The following CYP2F1 variants were observed in gnomAD, a reference collection of about 807,000 sequenced individuals.
CYP2F1 encodes the protein cytochrome P450 family 2 subfamily F member 1, also known as cytochrome P450 2F1.
CYP2F1 carries 33 observed loss-of-function variants against 40.4 expected under a neutral mutation model. The observed-to-expected ratio is 0.82, with a 90% confidence interval of 0.62 to 1.09. The LOEUF (loss-of-function observed/expected upper bound fraction) is 1.09, where lower values mean the gene tolerates loss of function less well. Among genes scored for constraint, CYP2F1 ranks in the 50% least tolerant of loss-of-function variants. The pLI is 0.00. For missense variants in CYP2F1, 566 were observed against 655.7 expected (o/e 0.86, Z 1.49); for synonymous variants, 235 against 277.2 (o/e 0.85, Z 1.51).
At chr19:41,127,159 C>T (rs2032576684) in intron 9 of CYP2F1, among the ~76,000 whole-genome samples, 1 of 152,090 alleles carries the variant, frequency 6.6e-6, no homozygotes, top group Non-Finnish European at 1.5e-5. Flanking sequence ...TTCTCTGTGC[C>T]TCAATGTCCA....
At chr19:41,119,748 T>TATATATATATATATATATATATAC (rs1337166345) in intron 3 of CYP2F1, among the ~76,000 whole-genome samples, 1 of 36,104 alleles carries the variant, frequency 2.8e-5, no homozygotes, top group Non-Finnish European at 4.9e-5. Context: ...TATATATATA[T>TATATATATATATATATATATATAC]ACACACACAC....
intron 1 of CYP2F1, among the ~76,000 whole-genome samples, chr19:41,115,588 G>A (rs1336304672): frequency 1.3e-5 from 2 of 152,094 alleles, no homozygotes; most frequent in Non-Finnish European, 2.9e-5. Flanking sequence ...TATGAAGATA[G>A]TAGATAGATG....
intron 8 of CYP2F1, chr19:41,125,254 C>T (rs1432360451): frequency 2.1e-5 from 13 of 629,632 alleles, no homozygotes; most frequent in South Asian, 4.7e-5. Flanking sequence ...ACATCTGTTC[C>T]CACAAAGGTT....
rs2031797626 is a variant in CYP2F1, at chr19:41,116,286, G to T, written c.98G>T (p.Gly33Val). Residue 33 changes from glycine (G) to valine (V), a missense_variant, in exon 2 of 10, where the codon GGA becomes GTA. Transcript: ENST00000331105. ...SSRDKGKLPPGPRPLSILGNL... is the reference protein window; with the variant it reads ...SSRDKGKLPPVPRPLSILGNL... Reference sequence around the variant, plus strand: ...AGAGATAAGGGAAAGCTGCCTCCGGGACCCAGACCCCTCTCAATCCTGGGA... The same window carrying T: ...AGAGATAAGGGAAAGCTGCCTCCGGTACCCAGACCCCTCTCAATCCTGGGA... 6.2e-7 allele frequency: 1 copy of T among 1,613,924 alleles called. No homozygotes were observed. Among genetic ancestry groups the T allele is most frequent in the South Asian group, 1.1e-5 (1 of 91,080 alleles).
intron 9 of CYP2F1, among the ~76,000 whole-genome samples, chr19:41,126,201 A>G (rs2032539952): frequency 6.6e-6 from 1 of 151,452 alleles, no homozygotes; most frequent in Admixed American, 6.6e-5. Flanking sequence ...CTAGGCGGGC[A>G]GATTACCTGA....
At position 41,124,950 on chromosome 19, in the gene CYP2F1, G is replaced by T. The variant is rs761659772; in HGVS notation, c.1152+44G>T. 168 of 1,529,490 alleles carry T rather than the reference G, an allele frequency of 1.1e-4. 2 individuals carry two copies. In the Admixed American group the frequency reaches 1.3e-3, roughly 12 times the overall value. The allele number at this position is 1,529,490 out of a possible 1,614,324, so 94.7% of individuals were successfully genotyped here. A position where few individuals can be genotyped will look rare whatever the true frequency, so the allele number is the denominator to read the frequency against. On this transcript the variant is annotated intron_variant, in intron 8 of 9. Coordinates refer to ENST00000331105, the MANE Select transcript of CYP2F1 (RefSeq NM_000774.5). ...ACGACATCAGGCAACCTAAGAGGAG[G>T]CATCGCAGGCTCTTGCACTGGCAAG...
chr19:41,124,708 T>C lies in CYP2F1; in HGVS notation c.965-11T>C. 1 of 1,598,000 alleles carries C rather than the reference T, an allele frequency of 6.3e-7. No homozygotes were observed. ...TGATACCCTCGACCCCGCTTCCCGCTTCCTCTCCAGCCCGCGTGCAGGAGG... is the reference window on the plus strand; with the variant it reads ...TGATACCCTCGACCCCGCTTCCCGCCTCCTCTCCAGCCCGCGTGCAGGAGG... On this transcript the variant is annotated splice_polypyrimidine_tract_variant and intron_variant, in intron 7 of 9. Transcript: ENST00000331105.
intron 1 of CYP2F1, among the ~76,000 whole-genome samples, chr19:41,115,271 C>A (rs781054754): frequency 6.6e-6 from 1 of 152,050 alleles, no homozygotes; most frequent in African/African-American, 2.4e-5. Flanking sequence ...TCCCTCTTAC[C>A]CTTTTTCTCT....
At chr19:41,127,198 C>A (rs1280948463) in intron 9 of CYP2F1, among the ~76,000 whole-genome samples, 1 of 152,136 alleles carries the variant, frequency 6.6e-6, no homozygotes, top group Non-Finnish European at 1.5e-5. Flanking sequence ...AATACTAAGG[C>A]CTGCCTCTTG....
At chr19:41,114,913 G>A (rs2031702443) in intron 1 of CYP2F1, among the ~76,000 whole-genome samples, 1 of 151,138 alleles carries the variant, frequency 6.6e-6, no homozygotes, top group African/African-American at 2.4e-5. Context: ...GGGATTACAG[G>A]TGCCTAACAC....
Position 41,123,409 on chromosome 19 carries a change from G to C in CYP2F1, c.964+446G>C, listed in dbSNP as rs575674919. The stretch of plus-strand genomic sequence containing the variant: ...ATTTTTCTATTTTTAGTAGAGACAG[G>C]GTTTCACCAAGTTGGCCAGGCTGGT... On this transcript the variant is annotated intron_variant, in intron 7 of 9. Coordinates refer to ENST00000331105, the MANE Select transcript of CYP2F1 (RefSeq NM_000774.5). 3.6e-4 allele frequency: 125 copies of C among 346,006 alleles called. 3 individuals carry two copies. Among genetic ancestry groups the C allele is most frequent in the South Asian group, 2.7e-3 (124 of 45,140 alleles). 21.4% of individuals were successfully genotyped at this position (346,006 alleles called of 1,614,324 possible). A position where few individuals can be genotyped will look rare whatever the true frequency, so the allele number is the denominator to read the frequency against.
chr19:41,115,661 T>C (rs1235440274), intron 1 of CYP2F1, among the ~76,000 whole-genome samples: 3 of 151,778 alleles, frequency 2.0e-5, no homozygotes, highest in East Asian at 3.9e-4. Context: ...GATAGAAGAA[T>C]AGATAGATGA....
chr19:41,125,413 C>T lies in CYP2F1; in HGVS notation c.1153-80C>T, dbSNP rs2032493564. The T allele has an allele frequency of 1.1e-5, 8 of 744,494 alleles. No individual in the cohort carries two copies. In the South Asian group the frequency reaches 1.4e-4, roughly 13 times the overall value. The allele number at this position is 744,494 out of a possible 1,614,324, so 46.1% of individuals were successfully genotyped here. On this transcript the variant is annotated intron_variant, in intron 8 of 9. Transcript: ENST00000331105. ...CACCCCTTATCAAGTCCCCAGGACA[C>T]CCAGCCCAATACAATGGAAAGGAGT... is the stretch of plus-strand genomic sequence containing the variant.
intron 3 of CYP2F1, 111 bp from the exon 4 acceptor site, chr19:41,120,236 G>T: frequency 9.0e-7 from 1 of 1,116,716 alleles, no homozygotes; most frequent in Non-Finnish European, 1.3e-6. Flanking sequence ...AAGGAGCCAG[G>T]GAGATTCCAA....
intron 5 of CYP2F1, 125 bp from the exon 6 acceptor site, chr19:41,121,832 C>G: frequency 1.1e-6 from 1 of 888,806 alleles, no homozygotes; most frequent in East Asian, 2.9e-5. Context: ...TCAGCCCCAA[C>G]CCCCACCCCG....
Position 41,128,324 on chromosome 19 carries a change from A to G in CYP2F1, c.*242A>G, listed in dbSNP as rs1709119. On this transcript the variant is annotated 3_prime_UTR_variant, in exon 10 of 10. Transcript: ENST00000331105. ...CTTGTTCTATGGCACGCCCTTTTCT[A>G]GGCTTTTTGTATCATTTCTTAGTAC... 174,094 of 423,330 alleles carry G rather than the reference A, an allele frequency of 0.41. 33,664 individuals carry two copies. Among genetic ancestry groups the G allele is most frequent in the African/African-American group, 0.6 (23,047 of 38,532 alleles). The allele number at this position is 423,330 out of a possible 1,614,324, so 26.2% of individuals were successfully genotyped here.
Position 41,124,792 on chromosome 19 carries a change from G to T in CYP2F1, c.1038G>T (p.Met346Ile), listed in dbSNP as rs762483034. Reference sequence around the variant, plus strand: ...CGGCGCTGAAGGACCGCGCGGCCATGCCTTACACAGACGCGGTGATCCACG... The same window carrying T: ...CGGCGCTGAAGGACCGCGCGGCCATTCCTTACACAGACGCGGTGATCCACG... Reference protein sequence around the residue: ...RLPALKDRAAMPYTDAVIHEV... With the variant: ...RLPALKDRAAIPYTDAVIHEV... Residue 346 changes from methionine (M) to isoleucine (I), a missense_variant, in exon 8 of 10, where the codon ATG (methionine) becomes ATT (isoleucine). Met to Ile is a conservative substitution (Grantham distance 10). Coordinates refer to ENST00000331105, the MANE Select transcript of CYP2F1 (RefSeq NM_000774.5). 6.2e-7 allele frequency: 1 copy of T among 1,611,092 alleles called. No individual in the cohort carries two copies. Among genetic ancestry groups the T allele is most frequent in the Non-Finnish European group, 8.5e-7 (1 of 1,179,786 alleles).
chr19:41,124,093 TG>T (rs943416653), intron 7 of CYP2F1, among the ~76,000 whole-genome samples: 35 of 151,908 alleles, frequency 2.3e-4, no homozygotes, highest in African/African-American at 8.4e-4. Flanking sequence ...GCCCCAAAAC[TG>T]CTCCTGAAAT....
Position 41,124,818 on chromosome 19 carries a change from A to C in CYP2F1, c.1064A>C (p.Glu355Ala). ...CCTTACACAGACGCGGTGATCCACG[A>C]GGTGCAGCGCTTTGCAGACATCATC... ...AMPYTDAVIH[E>A]VQRFADIIPM... The change falls in exon 8 of 10, where the codon GAG (glutamate) becomes GCG (alanine). Residue 355 changes from glutamate (E) to alanine (A), a missense_variant. Around this residue, in one of 5 missense-constraint regions of CYP2F1, gnomAD observed 128 missense variants for 121.0 expected, o/e 1.06. Coordinates refer to ENST00000331105, the MANE Select transcript of CYP2F1 (RefSeq NM_000774.5). 1 of 1,611,824 alleles carries C rather than the reference A, an allele frequency of 6.2e-7. No individual in the cohort carries two copies. Among genetic ancestry groups the C allele is most frequent in the Non-Finnish European group, 8.5e-7 (1 of 1,179,836 alleles).
Sources: gnomAD v4.1 joint callset for allele counts (sites outside exome capture counted in the v4.1 genomes callset) on GRCh38, gnomAD v4.1.1 for gene constraint, gnomAD v4.1.1 regional missense constraint, MANE v1.5 for transcripts, NCBI Gene and HGNC (gene_info 2026-07-23, HGNC 2026-07-21) for gene names.